The following ADRA1B variants were observed in gnomAD, a reference collection of about 807,000 sequenced individuals.
The protein encoded by ADRA1B is alpha-1B adrenergic receptor.
Under a neutral mutation model 17.9 loss-of-function variants are expected in ADRA1B, and 17 were observed. That is an observed-to-expected ratio of 0.95 (90% CI 0.65 to 1.42). ADRA1B has a LOEUF of 1.42. Ranked by LOEUF, ADRA1B falls within the 40% of genes most tolerant of loss-of-function variation. The pLI, the probability that ADRA1B is intolerant of heterozygous loss-of-function variation, is 0.00. For missense variants in ADRA1B, 681 were observed against 722.1 expected, an observed-to-expected ratio of 0.94 and a Z score of 0.65; for synonymous variants, 366 against 327.6, an observed-to-expected ratio of 1.12 and a Z score of -1.27.
At chr5:159,878,239 C>A (rs1363332867) in intron 1 of ADRA1B, among the ~76,000 whole-genome samples, 1 of 152,156 alleles carries the variant, frequency 6.6e-6, no homozygotes, top group South Asian at 2.1e-4. Flanking sequence ...GGCCAGGAGC[C>A]AAGGTAAGGG....
intron 1 of ADRA1B, among the ~76,000 whole-genome samples, chr5:159,883,029 C>T (rs528997543): frequency 9.2e-5 from 14 of 152,306 alleles, no homozygotes; most frequent in African/African-American, 2.6e-4. Flanking sequence ...TCTTTACTGG[C>T]CACTGACATT....
At chr5:159,962,838 T>C (rs1755697782) in intron 1 of ADRA1B, among the ~76,000 whole-genome samples, 5 of 84,562 alleles carry the variant, frequency 5.9e-5, no homozygotes, top group Admixed American at 5.3e-4. Flanking sequence ...CACCTGGCTA[T>C]TTTTTTTTTT....
downstream of ADRA1B, among the ~76,000 whole-genome samples, chr5:159,973,540 C>A (rs1451269819): frequency 6.6e-6 from 1 of 152,144 alleles, no homozygotes; most frequent in African/African-American, 2.4e-5. Flanking sequence ...TTGCCTGTGC[C>A]CACAGAACTC....
intron 1 of ADRA1B, among the ~76,000 whole-genome samples, chr5:159,940,307 C>G (rs1056789019): frequency 6.6e-6 from 1 of 152,144 alleles, no homozygotes; most frequent in Non-Finnish European, 1.5e-5. Context: ...ACATCGATAT[C>G]TAATCAACCT....
intron 1 of ADRA1B, among the ~76,000 whole-genome samples, chr5:159,873,362 C>T (rs879432858): frequency 2.0e-4 from 31 of 152,260 alleles, no homozygotes; most frequent in Middle Eastern, 3.4e-3. Context: ...CCACTGAGTC[C>T]GCTGCTGCAA....
At chr5:159,943,110 G>T (rs1561602470) in intron 1 of ADRA1B, among the ~76,000 whole-genome samples, 1 of 151,980 alleles carries the variant, frequency 6.6e-6, no homozygotes, top group Non-Finnish European at 1.5e-5. Flanking sequence ...TACTCGGGAG[G>T]CTGAGGCAGG....
the ADRA1B span, among the ~76,000 whole-genome samples, chr5:159,987,577 G>A: frequency 6.7e-3 from 1,025 of 152,366 alleles, 15 homozygotes; most frequent in African/African-American, 0.023. Flanking sequence ...CTAAGCGACA[G>A]GAGTGCAAAG....
At chr5:159,985,306 T>C in the ADRA1B span, among the ~76,000 whole-genome samples, 4 of 152,354 alleles carry the variant, frequency 2.6e-5, no homozygotes, top group Admixed American at 2.6e-4. Flanking sequence ...ACTGATCTAT[T>C]ATTTATTTCT....
Position 159,916,721 on chromosome 5 carries a change from G to C in ADRA1B, c.-185G>C, listed in dbSNP as rs943183157. 11 of 584,346 alleles carry C rather than the reference G, an allele frequency of 1.9e-5. No individual in the cohort carries two copies. Among genetic ancestry groups the C allele is most frequent in the South Asian group, 1.7e-4 (7 of 41,426 alleles). The allele number at this position is 584,346 out of a possible 1,614,324, so 36.2% of individuals were successfully genotyped here. On this transcript the variant is annotated 5_prime_UTR_variant, in exon 1 of 2. Coordinates refer to ENST00000306675, the MANE Select transcript of ADRA1B (RefSeq NM_000679.4). ...CCTCCTCCCTCTGACAGGCGAGCGAGCGACTCGGTGCAGGCAGGAGACGTG... is the reference window on the plus strand; with the variant it reads ...CCTCCTCCCTCTGACAGGCGAGCGACCGACTCGGTGCAGGCAGGAGACGTG...
At chr5:159,976,324 C>T (rs1201431745), downstream of ADRA1B, among the ~76,000 whole-genome samples, 2 of 152,040 alleles carry the variant, frequency 1.3e-5, no homozygotes, top group Non-Finnish European at 2.9e-5. Context: ...TTAGGGTCCA[C>T]CGTGAAGAAG....
chr5:159,891,136 A>G (rs1252947263), intron 1 of ADRA1B, among the ~76,000 whole-genome samples: 1 of 152,192 alleles, frequency 6.6e-6, no homozygotes. Flanking sequence ...AGAAAAACAA[A>G]TAAACAAATG....
chr5:159,928,469 A>G (rs1031336890), intron 1 of ADRA1B, among the ~76,000 whole-genome samples: 2 of 152,156 alleles, frequency 1.3e-5, no homozygotes, highest in Non-Finnish European at 2.9e-5. Flanking sequence ...TAAAAGTTGC[A>G]CCAACGAGCA....
At chr5:159,921,084 G>A (rs1754466069) in intron 1 of ADRA1B, among the ~76,000 whole-genome samples, 1 of 152,180 alleles carries the variant, frequency 6.6e-6, no homozygotes, top group Non-Finnish European at 1.5e-5. Flanking sequence ...ATCCTGTTCA[G>A]GGGCCCCATT....
chr5:159,910,446 T>G (rs1754216552), intron 1 of ADRA1B, among the ~76,000 whole-genome samples: 1 of 152,234 alleles, frequency 6.6e-6, no homozygotes, highest in East Asian at 1.9e-4. Context: ...CTAGTGACCC[T>G]GGCTCTACCT....
At chr5:159,980,212 C>G in the ADRA1B span, among the ~76,000 whole-genome samples, 2 of 152,106 alleles carry the variant, frequency 1.3e-5, no homozygotes, top group Non-Finnish European at 2.9e-5. Context: ...GTGGCTGGAT[C>G]GGTGGTCACA....
chr5:159,898,721 AT>A (rs1754062911), intron 1 of ADRA1B, among the ~76,000 whole-genome samples: 2 of 152,334 alleles, frequency 1.3e-5, no homozygotes, highest in South Asian at 4.1e-4. Context: ...CATCACATCT[AT>A]GTTGATATCA....
At chr5:159,943,109 G>A (rs1366638454) in intron 1 of ADRA1B, among the ~76,000 whole-genome samples, 1 of 152,044 alleles carries the variant, frequency 6.6e-6, no homozygotes, top group Non-Finnish European at 1.5e-5. Flanking sequence ...CTACTCGGGA[G>A]GCTGAGGCAG....
At chr5:159,905,567 C>G (rs1334544006) in intron 1 of ADRA1B, among the ~76,000 whole-genome samples, 1 of 152,220 alleles carries the variant, frequency 6.6e-6, no homozygotes, top group Non-Finnish European at 1.5e-5. Flanking sequence ...AGACAATGCA[C>G]TAGTCCCTTG....
intron 1 of ADRA1B, among the ~76,000 whole-genome samples, chr5:159,881,798 G>A (rs1474742128): frequency 6.6e-6 from 1 of 152,168 alleles, no homozygotes; most frequent in Non-Finnish European, 1.5e-5. Context: ...CGCTCTCAGA[G>A]AAGTATACTA....
Sources: allele counts gnomAD v4.1 joint callset (sites outside exome capture counted in the v4.1 genomes callset), GRCh38; gene constraint gnomAD v4.1.1; transcripts MANE v1.5; gene names NCBI Gene and HGNC (gene_info 2026-07-23, HGNC 2026-07-21).